The following SYT14 variants were observed in gnomAD, a reference collection of about 807,000 sequenced individuals.
SYT14 encodes the protein synaptotagmin-14.
SYT14 carries 32 observed loss-of-function variants against 74.2 expected under a neutral mutation model. The observed-to-expected ratio is 0.43, with a 90% CI of 0.33 to 0.58. The LOEUF (loss-of-function observed/expected upper bound fraction) is 0.58, where lower values mean the gene tolerates loss of function less well. SYT14 is among the 20% of genes least tolerant of loss of function. SYT14 has a pLI of 0.05. For synonymous variants in SYT14, 298 were observed against 337.7 expected (o/e 0.88, Z 1.29); for missense variants, 791 against 981.8 (o/e 0.81, Z 2.60).
At chr1:210,045,041 G>C (rs1274389302) in intron 5 of SYT14, among the ~76,000 whole-genome samples, 1 of 151,990 alleles carries the variant, frequency 6.6e-6, no homozygotes, top group African/African-American at 2.4e-5. Flanking sequence ...GATTTGAGGG[G>C]GACAGACATC....
intron 7 of SYT14, among the ~76,000 whole-genome samples, chr1:210,130,166 AAAG>A (rs2082644659): frequency 6.6e-6 from 1 of 152,218 alleles, no homozygotes; most frequent in South Asian, 2.1e-4. Flanking sequence ...AAACGAATGG[AAAG>A]AAGTACTTAT....
rs1572276797 is a variant in SYT14, at chr1:210,088,074, A to G, written c.1313-6248A>G. On this transcript the variant is annotated intron_variant, in intron 5 of 9. Coordinates refer to ENST00000637265, the Ensembl canonical transcript of SYT14. ...TCAATTTTATTCGTGTTTTCAGTGA[A>G]TTTTATTTTGATGCTTTCTGTTATA... Among the ~76,000 whole-genome samples the G allele has an allele frequency of 2.0e-5, 3 of 151,504 alleles. No homozygotes were observed. The South Asian group carries it at 6.3e-4, about 32-fold the overall frequency.
chr1:209,981,359 A>AT (rs2102799508), intron 2 of SYT14, among the ~76,000 whole-genome samples: 1 of 138,014 alleles, frequency 7.2e-6, no homozygotes, highest in Non-Finnish European at 1.6e-5. Context: ...AAAAGATTTT[A>AT]TTTTTTCTTT....
intron 5 of SYT14, among the ~76,000 whole-genome samples, chr1:210,049,073 G>A (rs144376961): frequency 6.6e-6 from 1 of 152,236 alleles, no homozygotes; most frequent in Non-Finnish European, 1.5e-5. Context: ...CTGTGGCTCT[G>A]CAGGGTACAG....
intron 7 of SYT14, among the ~76,000 whole-genome samples, chr1:210,143,845 CAA>C (rs1558219329): frequency 2.0e-5 from 3 of 152,036 alleles, no homozygotes; most frequent in South Asian, 4.1e-4. Context: ...ATTTTACTAA[CAA>C]ATCTTATTTT....
At position 210,121,654 on chromosome 1, in the gene SYT14, C is replaced by T. The variant is rs574081580; in HGVS notation, c.2034+21193C>T. Among the ~76,000 whole-genome samples the T allele has an allele frequency of 7.9e-5, 12 of 151,924 alleles. No individual in the cohort carries two copies. The East Asian group carries it at 1.4e-3, about 17-fold the overall frequency. On this transcript the variant is annotated intron_variant, in intron 7 of 9. Coordinates refer to ENST00000637265, the Ensembl canonical transcript of SYT14. ...CTAAAAATACAAAAAATTAGCCAGGCGTGGTGGCGGGCGCCTGTAGTCCCA... is the reference window on the plus strand; with the variant it reads ...CTAAAAATACAAAAAATTAGCCAGGTGTGGTGGCGGGCGCCTGTAGTCCCA...
In SYT14 at chr1:210,128,637, C is replaced by T. The variant is rs184012847; in HGVS notation, c.2035-27084C>T. ...TGTTTGTTCTGAAACAGATCCACTACCCTCTTATGTCCTACAGAATTTCTG... is the reference window on the plus strand; with the variant it reads ...TGTTTGTTCTGAAACAGATCCACTATCCTCTTATGTCCTACAGAATTTCTG... On this transcript the variant is annotated intron_variant, in intron 7 of 9. Transcript: ENST00000637265. 7.6e-4 allele frequency among the ~76,000 whole-genome samples: 116 copies of T among 152,286 alleles called. 1 individual carries two copies. The highest frequency in any genetic ancestry group is 6.8e-3 in the Middle Eastern group (2 of 294).
chr1:210,047,062 TG>T (rs1198444690), intron 5 of SYT14, among the ~76,000 whole-genome samples: 2 of 152,140 alleles, frequency 1.3e-5, no homozygotes, highest in African/African-American at 2.4e-5. Context: ...TTTATATTAA[TG>T]TGTCTATCAT....
chr1:210,017,173 A>G, intron 4 of SYT14: 2 of 1,073,378 alleles, frequency 1.9e-6, no homozygotes, highest in Non-Finnish European at 2.4e-6. Context: ...AACATCATCC[A>G]AATTTCTCAG....
chr1:209,959,086 G>A (rs1359655324), intron 2 of SYT14, among the ~76,000 whole-genome samples: 1 of 152,086 alleles, frequency 6.6e-6, no homozygotes, highest in Non-Finnish European at 1.5e-5. Context: ...GAAAACATAT[G>A]TTTATACAAA....
At chr1:210,163,939 T>A (rs1335510395) in exon 10 of SYT14, 1 of 453,034 alleles carries the variant, frequency 2.2e-6, no homozygotes, top group Admixed American at 2.4e-5. Flanking sequence ...TTTCATACAG[T>A]TCTATTAAAA....
chr1:210,046,228 G>A (rs1261886255), intron 5 of SYT14, among the ~76,000 whole-genome samples: 1 of 152,080 alleles, frequency 6.6e-6, no homozygotes, highest in South Asian at 2.1e-4. Context: ...ACAAAAATTG[G>A]CTAGGCATGG....
At chr1:210,088,264 A>T (rs846546) in intron 5 of SYT14, among the ~76,000 whole-genome samples, 86,186 of 150,844 alleles carry the variant, frequency 0.57, 26,889 homozygotes, top group African/African-American at 0.83. Flanking sequence ...GTTTGTTACA[A>T]AGGTATACAT....
intron 1 of SYT14, among the ~76,000 whole-genome samples, chr1:209,942,275 G>T (rs1048881039): frequency 6.6e-6 from 1 of 150,814 alleles, no homozygotes; most frequent in Non-Finnish European, 1.5e-5. Context: ...GGATGTCCTC[G>T]GCAATCCAAA....
In SYT14 at chr1:209,938,297, G is replaced by A; in HGVS notation, c.-534+20G>A. On this transcript the variant is annotated intron_variant, in intron 1 of 9. Transcript: ENST00000637265. ...TTGAAGGTAAGTGGAGGCTGACAGCGGGGAGCGAGGACCGGGACCACCCAG... is the reference window on the plus strand; with the variant it reads ...TTGAAGGTAAGTGGAGGCTGACAGCAGGGAGCGAGGACCGGGACCACCCAG... 3.9e-6 allele frequency: 6 copies of A among 1,553,310 alleles called. No individual in the cohort carries two copies. Among genetic ancestry groups the A allele is most frequent in the East Asian group, 2.5e-5 (1 of 39,232 alleles).
chr1:209,943,481 CCTGGACAACAGAGCGAGATT>C (rs1363569466), intron 1 of SYT14, among the ~76,000 whole-genome samples: 1 of 121,896 alleles, frequency 8.2e-6, no homozygotes, highest in Non-Finnish European at 1.6e-5. Context: ...TGCACTTCAG[CCTGGACAACAGAGCGAGATT>C]CAATCTCAAA....
intron 2 of SYT14, among the ~76,000 whole-genome samples, chr1:209,981,046 T>C (rs1467927690): frequency 6.6e-6 from 1 of 152,212 alleles, no homozygotes; most frequent in Non-Finnish European, 1.5e-5. Flanking sequence ...GCAGTATGAA[T>C]TTTCATGACA....
Position 210,160,583 on chromosome 1 carries a change from C to G in SYT14, c.2282-146C>G, listed in dbSNP as rs1394926767. 7.0e-6 allele frequency: 5 copies of G among 714,564 alleles called. No individual in the cohort carries two copies. In the East Asian group the frequency reaches 1.4e-4, roughly 19 times the overall value. 44.3% of individuals were successfully genotyped at this position (714,564 alleles called of 1,614,324 possible). ...TGTCACATATTATAAGCATCTACAT[C>G]AAAATGGAATTGGTCGAATGTCCAT... On this transcript the variant is annotated intron_variant, in intron 9 of 9. Coordinates refer to ENST00000637265, the Ensembl canonical transcript of SYT14.
intron 7 of SYT14, among the ~76,000 whole-genome samples, chr1:210,108,406 A>T (rs1032081450): frequency 2.0e-5 from 3 of 152,228 alleles, no homozygotes; most frequent in African/African-American, 7.2e-5. Context: ...TGGATTTAGG[A>T]TATGGAAGTC....
Sources: gnomAD v4.1 joint callset for allele counts (sites outside exome capture counted in the v4.1 genomes callset) on GRCh38, gnomAD v4.1.1 for gene constraint, MANE v1.5 for transcripts, NCBI Gene and HGNC (gene_info 2026-07-23, HGNC 2026-07-21) for gene names.